The following C1orf94 variants were observed in gnomAD, a reference collection of about 807,000 sequenced individuals.
C1orf94 encodes the protein chromosome 1 open reading frame 94.
C1orf94 carries 45 observed loss-of-function variants against 53.6 expected under a neutral mutation model. The observed-to-expected ratio is 0.84, with a 90% confidence interval of 0.66 to 1.08. The LOEUF is 1.08. Among genes scored for constraint, C1orf94 ranks in the 50% least tolerant of loss-of-function variants. C1orf94 has a pLI of 0.00. For missense variants in C1orf94, 762 were observed against 738.9 expected (o/e 1.03, Z -0.36); for synonymous variants, 304 against 296.1 (o/e 1.03, Z -0.27).
intron 2 of C1orf94, 105 bp from the exon 3 acceptor site, chr1:34,200,667 A>G: frequency 3.4e-6 from 5 of 1,475,490 alleles, no homozygotes; most frequent in South Asian, 2.6e-5. Flanking sequence ...TCCAAGCCTC[A>G]GGTGTGTGCT....
chr1:34,218,960 C>A lies in C1orf94; in HGVS notation c.*199C>A. On this transcript the variant is annotated 3_prime_UTR_variant, in exon 7 of 7. Transcript: ENST00000488417. ...CTCCTCACACATGGCACAAGCTACA[C>A]ACACACACACACACATGACCCTCAT... The A allele has an allele frequency of 5.8e-6, 2 of 344,348 alleles. No individual in the cohort carries two copies. The highest frequency in any genetic ancestry group is 1.1e-4 in the South Asian group (1 of 9,174). The allele number at this position is 344,348 out of a possible 1,614,324, so 21.3% of individuals were successfully genotyped here.
At position 34,197,646 on chromosome 1, in the gene C1orf94, A is replaced by G. The variant is rs755816598; in HGVS notation, c.742A>G (p.Thr248Ala). 14 of 1,614,076 alleles carry G rather than the reference A, an allele frequency of 8.7e-6. No homozygotes were observed. In the African/African-American group the frequency reaches 1.1e-4, roughly 12 times the overall value. Residue 248 changes from threonine (T) to alanine (A), a missense_variant, in exon 2 of 7, where the codon ACT becomes GCT. Transcript: ENST00000488417. This position sits in a 1 kb window ranked among gnomAD's most constrained non-coding sequence, Gnocchi z 4.1. The stretch of plus-strand genomic sequence containing the variant: ...TCTGTCCCAGTTCCCACTGAAGTCC[A>G]CTGAGACATCCAAGGTCCCTGACAA... ...KLLSQFPLKS[T>A]ETSKVPDNKN...
At chr1:34,207,158 G>T (rs554173747) in intron 4 of C1orf94, among the ~76,000 whole-genome samples, 238 of 152,236 alleles carry the variant, frequency 1.6e-3, no homozygotes, top group African/African-American at 5.5e-3. Context: ...GGGCTGAGGG[G>T]TACTTTGGGT....
At position 34,208,228 on chromosome 1, in the gene C1orf94, C is replaced by T; in HGVS notation, c.1518C>T (p.Ser506=). 6.2e-7 allele frequency: 1 copy of T among 1,613,752 alleles called. No individual in the cohort carries two copies. The highest frequency in any genetic ancestry group is 8.5e-7 in the Non-Finnish European group (1 of 1,179,874). ...QALHPQLGCY[S]QQVMPYNPQQ... ...TGCACCCGCAGCTGGGATGTTACTC[C>T]CAACAGGTGAGTAGACGATCTCTCC... Residue 506 remains serine (S), a synonymous_variant, in exon 5 of 7, where the codon TCC becomes TCT. Coordinates refer to ENST00000488417, the MANE Select transcript of C1orf94 (RefSeq NM_001134734.2).
intron 4 of C1orf94, among the ~76,000 whole-genome samples, chr1:34,202,515 CAT>C (rs936585738): frequency 2.0e-5 from 3 of 152,220 alleles, no homozygotes; most frequent in African/African-American, 7.2e-5. Flanking sequence ...CACACACACA[CAT>C]ATGTATATTT....
rs749952400 is a variant in C1orf94, at chr1:34,202,121, G to A, written c.1308G>A (p.Pro436=). The change falls in exon 4 of 7, where the codon CCG becomes CCA. Residue 436 remains proline, a synonymous_variant. Coordinates refer to ENST00000488417, the MANE Select transcript of C1orf94 (RefSeq NM_001134734.2). ...TGACGGTTGCTGACAAGAACAACCC[G>A]AAGTACACAGGGAATGTTTTCACTC... ...APVTVADKNN[P]KYTGNVFTPH... 20 of 1,614,086 alleles carry A rather than the reference G, an allele frequency of 1.2e-5. No homozygotes were observed. Among genetic ancestry groups the A allele is most frequent in the South Asian group, 4.4e-5 (4 of 91,062 alleles).
intron 5 of C1orf94, among the ~76,000 whole-genome samples, chr1:34,211,604 AAAAC>A (rs1642890933): frequency 6.6e-6 from 1 of 152,202 alleles, no homozygotes; most frequent in Non-Finnish European, 1.5e-5. Context: ...AGTATAATTC[AAAAC>A]TCAGTTCCTC....
At chr1:34,192,217 A>G (rs868677584) in intron 1 of C1orf94, among the ~76,000 whole-genome samples, 68 of 152,148 alleles carry the variant, frequency 4.5e-4, no homozygotes, top group Admixed American at 8.5e-4. Context: ...CTAACCGTGA[A>G]CCCAGCAAAG....
Position 34,197,746 on chromosome 1 carries a change from A to G in C1orf94, c.842A>G (p.Lys281Arg). ...AACCTGTTCAGTGGCCCTGGACCCA[A>G]GGAGCCCACAGGGCTGAGCCCATTT... The part of the protein sequence containing the change: ...QDNLFSGPGP[K>R]EPTGLSPFLL... The change falls in exon 2 of 7, where the codon AAG (lysine) becomes AGG (arginine). Residue 281 changes from lysine to arginine, a missense_variant. Lys to Arg is a conservative substitution (Grantham distance 26). Coordinates refer to ENST00000488417, the MANE Select transcript of C1orf94 (RefSeq NM_001134734.2). This position sits in a 1 kb window ranked among gnomAD's most constrained non-coding sequence, Gnocchi z 4.1. 6.2e-7 allele frequency: 1 copy of G among 1,614,174 alleles called. No homozygotes were observed. Among genetic ancestry groups the G allele is most frequent in the Non-Finnish European group, 8.5e-7 (1 of 1,180,028 alleles).
At chr1:34,174,932 T>C (rs1642200977), upstream of C1orf94, among the ~76,000 whole-genome samples, 1 of 152,194 alleles carries the variant, frequency 6.6e-6, no homozygotes, top group South Asian at 2.1e-4. Context: ...CTGTCCAATA[T>C]GGTAGCCACT....
rs79464997 is a variant in C1orf94 at position 34,198,183 on chromosome 1, G to C, written c.1009+270G>C. Among the ~76,000 whole-genome samples, 1,240 of 152,350 alleles carry C rather than the reference G, an allele frequency of 8.1e-3. 16 individuals carry two copies. Among genetic ancestry groups the C allele is most frequent in the African/African-American group, 0.028 (1,164 of 41,580 alleles). On this transcript the variant is annotated intron_variant, in intron 2 of 6. Coordinates refer to ENST00000488417, the MANE Select transcript of C1orf94 (RefSeq NM_001134734.2). ...TGAGAAGAGAAATAGGCGCCATGTA[G>C]TAATTGGCTTAACTTTGGAATCAAA...
rs536477827 is a variant in C1orf94, at chr1:34,189,900, G to C, written c.321-7325G>C. ...AGAAGGTCACCCGTCAGAAAGGACA[G>C]AGCTGGGTTTTGAATCCAGGTCTCC... On this transcript the variant is annotated intron_variant, in intron 1 of 6. Coordinates refer to ENST00000488417, the MANE Select transcript of C1orf94 (RefSeq NM_001134734.2). Among the ~76,000 whole-genome samples, 3 of 152,362 alleles carry C rather than the reference G, an allele frequency of 2.0e-5. No individual in the cohort carries two copies. In the East Asian group the frequency reaches 5.8e-4, roughly 29 times the overall value.
At chr1:34,196,882 C>A (rs994090397) in intron 1 of C1orf94, among the ~76,000 whole-genome samples, 6 of 152,230 alleles carry the variant, frequency 3.9e-5, no homozygotes, top group African/African-American at 1.4e-4. Flanking sequence ...TGAACCCCTT[C>A]TCTGGTCTTT....
intron 6 of C1orf94, among the ~76,000 whole-genome samples, chr1:34,216,128 C>T (rs923257730): frequency 1.3e-5 from 2 of 152,154 alleles, no homozygotes; most frequent in Non-Finnish European, 2.9e-5. Context: ...TTGAGAAAGT[C>T]ATTAGACAGA....
Position 34,192,844 on chromosome 1 carries a change from G to A in C1orf94, c.321-4381G>A, listed in dbSNP as rs114006437. 2.6e-3 allele frequency among the ~76,000 whole-genome samples: 389 copies of A among 152,214 alleles called. 1 individual carries two copies. The highest frequency in any genetic ancestry group is 4.0e-3 in the Non-Finnish European group (271 of 68,018). On this transcript the variant is annotated intron_variant, in intron 1 of 6. Transcript: ENST00000488417. ...TAGGAAGTGCAAAGGCCCTCGGGCT[G>A]GAATGAACTTAGCATTTCAAGGGGT...
chr1:34,199,795 T>C (rs887458609), intron 2 of C1orf94, among the ~76,000 whole-genome samples: 5 of 151,618 alleles, frequency 3.3e-5, no homozygotes, highest in African/African-American at 9.7e-5. Context: ...CTCCACACTC[T>C]AGCCATATCC....
At chr1:34,192,505 G>A (rs1354056566) in intron 1 of C1orf94, among the ~76,000 whole-genome samples, 1 of 152,212 alleles carries the variant, frequency 6.6e-6, no homozygotes, top group East Asian at 1.9e-4. Flanking sequence ...AACTTGTTCA[G>A]TCCTTTATTC....
At chr1:34,203,643 C>T (rs1642749277) in intron 4 of C1orf94, among the ~76,000 whole-genome samples, 1 of 152,152 alleles carries the variant, frequency 6.6e-6, no homozygotes, top group African/African-American at 2.4e-5. Context: ...TGGCTTGGCA[C>T]ACATTCTTGT....
intron 1 of C1orf94, among the ~76,000 whole-genome samples, chr1:34,180,812 A>G (rs1244804196): frequency 6.6e-6 from 1 of 152,226 alleles, no homozygotes; most frequent in Non-Finnish European, 1.5e-5. Context: ...GTATTGTGGT[A>G]GATAGGTAAG....
Sources: gnomAD v4.1 joint callset for allele counts (sites outside exome capture counted in the v4.1 genomes callset) on GRCh38, gnomAD v4.1.1 for gene constraint, Gnocchi (gnomAD v3.1) non-coding constraint, MANE v1.5 for transcripts, NCBI Gene and HGNC (gene_info 2026-07-23, HGNC 2026-07-21) for gene names.